SENP7: variants seen among roughly 807,000 people sequenced by gnomAD.
The protein encoded by SENP7 is SUMO specific peptidase 7.
Under a neutral mutation model 141.2 loss-of-function variants are expected in SENP7, and 64 were observed. That is an observed-to-expected ratio of 0.45 (90% CI 0.37 to 0.56). SENP7 has a LOEUF of 0.56. Among genes scored for constraint, SENP7 ranks in the 20% least tolerant of loss-of-function variants. SENP7 has a pLI of 0.00. For synonymous variants in SENP7, 382 were observed against 426.4 expected, an observed-to-expected ratio of 0.90 and a Z score of 1.28; for missense variants, 1,025 against 1,212.2, an observed-to-expected ratio of 0.85 and a Z score of 2.29.
intron 2 of SENP7, among the ~76,000 whole-genome samples, chr3:101,498,270 T>C (rs2108137682): frequency 6.6e-6 from 1 of 152,260 alleles, no homozygotes; most frequent in African/African-American, 2.4e-5. Context: ...TCCCCTAAGA[T>C]ATTTATTAAT....
chr3:101,506,937 T>C lies in SENP7; in HGVS notation c.41-5818A>G, dbSNP rs886126173. 3.3e-5 allele frequency among the ~76,000 whole-genome samples: 5 copies of C among 152,150 alleles called. 1 individual carries two copies. Among genetic ancestry groups the C allele is most frequent in the Admixed American group, 6.5e-5 (1 of 15,278 alleles). The stretch of plus-strand genomic sequence containing the variant: ...ATAGCCAGGCATGATAGTGCGGGCC[T>C]GTAGTCCTAGCTACTCCGGAGCCTG... On this transcript the variant is annotated intron_variant, in intron 1 of 23. Coordinates refer to ENST00000394095, the MANE Select transcript of SENP7 (RefSeq NM_020654.5).
At chr3:101,376,150 A>T (rs1348423297) in intron 6 of SENP7, among the ~76,000 whole-genome samples, 1 of 152,206 alleles carries the variant, frequency 6.6e-6, no homozygotes, top group African/African-American at 2.4e-5. Flanking sequence ...AGAATAGTCA[A>T]ATTCATACAG....
intron 5 of SENP7, among the ~76,000 whole-genome samples, chr3:101,417,058 T>C (rs541689715): frequency 6.6e-6 from 1 of 152,272 alleles, no homozygotes; most frequent in South Asian, 2.1e-4. Flanking sequence ...CTTGTTACTC[T>C]ACAAAATTAA....
At chr3:101,512,548 T>C (rs2065902090) in intron 1 of SENP7, among the ~76,000 whole-genome samples, 1 of 152,196 alleles carries the variant, frequency 6.6e-6, no homozygotes, top group African/African-American at 2.4e-5. Flanking sequence ...AAAAGGCTAT[T>C]AGGCGGGCCT....
chr3:101,399,123 A>C, intron 5 of SENP7, 68 bp from the exon 6 acceptor site: 1 of 1,053,674 alleles, frequency 9.5e-7, no homozygotes, highest in East Asian at 2.7e-5. Flanking sequence ...GTATTCCAGG[A>C]AGGTGAATTT....
chr3:101,467,604 C>T (rs2107942861), intron 3 of SENP7, among the ~76,000 whole-genome samples: 1 of 152,336 alleles, frequency 6.6e-6, no homozygotes, highest in African/African-American at 2.4e-5. Flanking sequence ...AACAGACCTG[C>T]AGCTGAGGGA....
chr3:101,357,992 C>A (rs889367088), intron 11 of SENP7: 20 of 630,466 alleles, frequency 3.2e-5, no homozygotes, highest in Admixed American at 5.3e-5. Context: ...TAAGAAAATT[C>A]TTATTGGAGA....
intron 5 of SENP7, chr3:101,414,322 A>G (rs2061544158): frequency 4.0e-6 from 3 of 755,632 alleles, no homozygotes; most frequent in Non-Finnish European, 7.3e-6. Flanking sequence ...GTTCCGGTGC[A>G]GCACCAGCTG....
At chr3:101,457,077 CA>C (rs1192523848) in intron 4 of SENP7, among the ~76,000 whole-genome samples, 7 of 152,258 alleles carry the variant, frequency 4.6e-5, no homozygotes, top group African/African-American at 1.7e-4. Flanking sequence ...TGTGTATAAG[CA>C]AAACCTGAAA....
intron 2 of SENP7, 117 bp from the exon 3 acceptor site, chr3:101,494,085 T>TAATATAATATAATA (rs1386511031): frequency 1.8e-5 from 9 of 486,932 alleles, no homozygotes; most frequent in Non-Finnish European, 3.3e-5. Context: ...TTAAGGAGTT[T>TAATATAATATAATA]TAAATTCAGT....
At chr3:101,335,634 A>G (rs1398373905) in intron 17 of SENP7, among the ~76,000 whole-genome samples, 1 of 152,142 alleles carries the variant, frequency 6.6e-6, no homozygotes, top group African/African-American at 2.4e-5. Flanking sequence ...AAGCTTACTA[A>G]TACAGCAGAA....
At chr3:101,406,663 G>C (rs2061316626) in intron 5 of SENP7, among the ~76,000 whole-genome samples, 1 of 151,676 alleles carries the variant, frequency 6.6e-6, no homozygotes, top group African/African-American at 2.4e-5. Context: ...AATAATTGAG[G>C]AAAGCTTCCC....
At chr3:101,402,616 CAAAAAA>C (rs58525002) in intron 5 of SENP7, among the ~76,000 whole-genome samples, 2 of 93,676 alleles carry the variant, frequency 2.1e-5, no homozygotes, top group Admixed American at 1.4e-4. Flanking sequence ...GACTCCGTCT[CAAAAAA>C]AAAAAAAAAA....
chr3:101,456,869 C>T (rs1367130535), intron 4 of SENP7, among the ~76,000 whole-genome samples: 1 of 152,152 alleles, frequency 6.6e-6, no homozygotes, highest in Admixed American at 6.5e-5. Context: ...TCAAGTGATC[C>T]ACCTGCCTTG....
chr3:101,332,664 T>G, intron 18 of SENP7, 106 bp downstream of exon 18: 109 of 582,954 alleles, frequency 1.9e-4, no homozygotes, highest in Non-Finnish European at 2.6e-4. Context: ...AAATAATACC[T>G]GAGATGTATG....
In SENP7 at chr3:101,381,543, CTT is replaced by C. The variant is rs1166275148; in HGVS notation, c.678-9419_678-9418del. ...CAATTTCATACTTTTCTATATATCTCTTAATATAAATATGCATTATTGTTCAA... is the reference window on the plus strand; with the variant it reads ...CAATTTCATACTTTTCTATATATCTCAATATAAATATGCATTATTGTTCAA... On this transcript the variant is annotated intron_variant, in intron 6 of 23. Coordinates refer to ENST00000394095, the MANE Select transcript of SENP7 (RefSeq NM_020654.5). Among the ~76,000 whole-genome samples the C allele has an allele frequency of 2.6e-5, 4 of 151,894 alleles. No individual in the cohort carries two copies. The East Asian group carries it at 5.8e-4, about 22-fold the overall frequency.
rs112839474 is a variant in SENP7 at position 101,331,934 on chromosome 3, T to C, written c.2698+51A>G. 1,781 of 1,580,766 alleles carry C rather than the reference T, an allele frequency of 1.1e-3. 15 individuals are homozygous for C. The African/African-American group carries it at 0.022, about 19-fold the overall frequency. On this transcript the variant is annotated intron_variant, in intron 19 of 23. Coordinates refer to ENST00000394095, the MANE Select transcript of SENP7 (RefSeq NM_020654.5). ...AACTTCATTTTCTTCCCTGTAACCATTAAATTATTGTCATCATTATTAAAA... is the reference window on the plus strand; with the variant it reads ...AACTTCATTTTCTTCCCTGTAACCACTAAATTATTGTCATCATTATTAAAA...
chr3:101,358,137 A>G, intron 11 of SENP7: 1 of 521,310 alleles, frequency 1.9e-6, no homozygotes, highest in Non-Finnish European at 3.3e-6. Context: ...AAACCCTACT[A>G]AACATAAGAT....
intron 3 of SENP7, among the ~76,000 whole-genome samples, chr3:101,463,398 C>CATATATATATATATATACACATATAT (rs2063647105): frequency 1.7e-5 from 1 of 58,694 alleles, no homozygotes; most frequent in African/African-American, 6.1e-5. Context: ...TATATATATA[C>CATATATATATATATATACACATATAT]ATATATATAT....
Sources: allele counts gnomAD v4.1 joint callset (sites outside exome capture counted in the v4.1 genomes callset), GRCh38; gene constraint gnomAD v4.1.1; transcripts MANE v1.5; gene names NCBI Gene and HGNC (gene_info 2026-07-23, HGNC 2026-07-21).